Variants in FBXW8 observed in about 807,000 individuals in gnomAD.
FBXW8 encodes the protein F-box/WD repeat-containing protein 8.
FBXW8 carries 57 observed loss-of-function variants against 65.3 expected under a neutral mutation model. The ratio of observed to expected loss-of-function variants is 0.87; its 90% CI spans 0.71 to 1.09. The LOEUF (loss-of-function observed/expected upper bound fraction) is 1.09, where lower values mean the gene tolerates loss of function less well. Among genes scored for constraint, FBXW8 ranks in the 50% least tolerant of loss-of-function variants. The pLI is 0.00. For missense variants in FBXW8, 777 were observed against 814.8 expected (o/e 0.95, Z 0.57); for synonymous variants, 308 against 330.2 (o/e 0.93, Z 0.73).
chr12:116,933,864 GA>G (rs2137320575), intron 2 of FBXW8, among the ~76,000 whole-genome samples: 1 of 152,262 alleles, frequency 6.6e-6, no homozygotes, highest in East Asian at 1.9e-4. Context: ...AAACAGGGAG[GA>G]AATCCTTCTG....
chr12:117,006,785 C>T (rs969360292), intron 7 of FBXW8, among the ~76,000 whole-genome samples: 4 of 152,222 alleles, frequency 2.6e-5, no homozygotes, highest in African/African-American at 9.6e-5. Flanking sequence ...CATTCCAGTG[C>T]CTAGAAGATG....
intron 5 of FBXW8, among the ~76,000 whole-genome samples, chr12:116,974,631 A>T (rs759997417): frequency 3.3e-5 from 5 of 152,190 alleles, no homozygotes; most frequent in Non-Finnish European, 7.3e-5. Context: ...CATCCAATAA[A>T]AATGAAGCAT....
At chr12:116,917,027 A>G (rs117297148) in intron 1 of FBXW8, among the ~76,000 whole-genome samples, 18 of 152,280 alleles carry the variant, frequency 1.2e-4, no homozygotes, top group Non-Finnish European at 2.6e-4. Context: ...GGCGAGCCCC[A>G]GTGGCCAGAT....
At chr12:116,980,202 A>C (rs1383568143) in intron 5 of FBXW8, 1 of 152,254 alleles carries the variant, frequency 6.6e-6, no homozygotes, top group African/African-American at 2.4e-5. Context: ...AGAATTGCAG[A>C]GAGAAGCAGA....
At chr12:116,974,507 A>G (rs578042548) in intron 5 of FBXW8, among the ~76,000 whole-genome samples, 3 of 152,382 alleles carry the variant, frequency 2.0e-5, no homozygotes, top group African/African-American at 7.2e-5. Flanking sequence ...GCAAGCCACA[A>G]AAGGATCCAG....
At chr12:116,974,325 T>A (rs1884798930) in intron 5 of FBXW8, among the ~76,000 whole-genome samples, 1 of 152,178 alleles carries the variant, frequency 6.6e-6, no homozygotes, top group Non-Finnish European at 1.5e-5. Context: ...GGCACAACAA[T>A]TCCTGGAGCT....
intron 4 of FBXW8, among the ~76,000 whole-genome samples, chr12:116,958,589 C>T (rs1013877878): frequency 3.3e-5 from 5 of 152,140 alleles, no homozygotes; most frequent in African/African-American, 1.2e-4. Context: ...TATAGGCTGC[C>T]AAGGGATCCA....
At chr12:116,986,607 C>T (rs1444732237) in intron 6 of FBXW8, 1 of 149,760 alleles carries the variant, frequency 6.7e-6, no homozygotes, top group Admixed American at 6.7e-5. Flanking sequence ...GCCTGGGCAA[C>T]AGAGCGAGAC....
intron 2 of FBXW8, among the ~76,000 whole-genome samples, chr12:116,928,935 C>T (rs1023449466): frequency 6.6e-6 from 1 of 152,036 alleles, no homozygotes; most frequent in African/African-American, 2.4e-5. Flanking sequence ...CTCAGCCTCC[C>T]GAGTAGCTGG....
chr12:116,948,675 T>C (rs1189451752), intron 3 of FBXW8: 4 of 152,254 alleles, frequency 2.6e-5, no homozygotes, highest in Non-Finnish European at 1.5e-5. Context: ...ATGCTTGCTT[T>C]GTGGCCTATC....
chr12:116,978,870 C>A (rs1352261904), intron 5 of FBXW8: 2 of 152,020 alleles, frequency 1.3e-5, no homozygotes, highest in Admixed American at 6.6e-5. Flanking sequence ...AACATAATTA[C>A]CATTATGCTA....
chr12:116,996,736 TGA>T (rs753488665), intron 7 of FBXW8, among the ~76,000 whole-genome samples: 2 of 152,220 alleles, frequency 1.3e-5, no homozygotes, highest in Admixed American at 6.5e-5. Flanking sequence ...TCTGGGCTGT[TGA>T]GTGATGCTGA....
intron 7 of FBXW8, among the ~76,000 whole-genome samples, chr12:117,003,479 T>C (rs1000677201): frequency 1.6e-5 from 2 of 126,606 alleles, no homozygotes; most frequent in Non-Finnish European, 3.0e-5. Flanking sequence ...AACCCCCAAA[T>C]CAACATTGTT....
intron 7 of FBXW8, among the ~76,000 whole-genome samples, chr12:117,007,779 A>C (rs1953713504): frequency 6.6e-6 from 1 of 152,190 alleles, no homozygotes; most frequent in Non-Finnish European, 1.5e-5. Context: ...TATGGCAATC[A>C]GATAAAATGA....
At chr12:116,913,350 ACCT>A (rs1035617668) in intron 1 of FBXW8, among the ~76,000 whole-genome samples, 4 of 152,180 alleles carry the variant, frequency 2.6e-5, no homozygotes. Context: ...AGGAGAACTG[ACCT>A]CCTTGCAGTC....
intron 2 of FBXW8, among the ~76,000 whole-genome samples, chr12:116,944,587 G>A (rs1400014662): frequency 6.6e-6 from 1 of 152,174 alleles, no homozygotes; most frequent in Non-Finnish European, 1.5e-5. Flanking sequence ...CCGGGATCAC[G>A]CTGATCTGCT....
In FBXW8 at chr12:117,010,174, C is replaced by T. The variant is rs1388667834; in HGVS notation, c.1240-149C>T. 3 of 1,204,346 alleles carry T rather than the reference C, an allele frequency of 2.5e-6. No homozygotes were observed. The East Asian group carries it at 7.2e-5, about 29-fold the overall frequency. 74.6% of individuals were successfully genotyped at this position (1,204,346 alleles called of 1,614,324 possible). The stretch of plus-strand genomic sequence containing the variant: ...AGCCATGTCCCTATACTATCAGTAA[C>T]CTGAAAAAGATCAGGAAATTAAGTG... On this transcript the variant is annotated intron_variant, in intron 7 of 10. Coordinates refer to ENST00000652555, the MANE Select transcript of FBXW8 (RefSeq NM_153348.3).
intron 3 of FBXW8, among the ~76,000 whole-genome samples, chr12:116,947,990 T>C (rs1338308879): frequency 1.3e-5 from 2 of 152,150 alleles, no homozygotes; most frequent in Non-Finnish European, 2.9e-5. Flanking sequence ...GGTTCTGTGC[T>C]GTGCGTGCTC....
At chr12:117,003,694 G>C (rs552737409) in intron 7 of FBXW8, among the ~76,000 whole-genome samples, 2 of 152,160 alleles carry the variant, frequency 1.3e-5, no homozygotes, top group South Asian at 4.1e-4. Context: ...ATCCTTGAAA[G>C]GTAGTTTTGC....
Sources: allele counts gnomAD v4.1 joint callset (sites outside exome capture counted in the v4.1 genomes callset), GRCh38; gene constraint gnomAD v4.1.1; transcripts MANE v1.5; gene names NCBI Gene and HGNC (gene_info 2026-07-23, HGNC 2026-07-21).